Variants in MGAM observed in about 807,000 individuals in gnomAD.
The protein encoded by MGAM is maltase-glucoamylase, also known as alpha-1,4-glucosidase.
A neutral mutation model predicts 358.8 loss-of-function variants in MGAM; 253 were observed. The ratio of observed to expected loss-of-function variants is 0.71; its 90% confidence interval spans 0.64 to 0.78. The LOEUF is 0.78. Among genes scored for constraint, MGAM ranks in the 30% least tolerant of loss-of-function variants. The pLI, the probability that MGAM is intolerant of heterozygous loss-of-function variation, is 0.00. For missense variants in MGAM, 3,080 were observed against 3,432.6 expected (o/e 0.90, Z 2.57); for synonymous variants, 1,105 against 1,227.1 (o/e 0.90, Z 2.08).
intron 57 of MGAM, among the ~76,000 whole-genome samples, chr7:142,088,225 T>G (rs1482306658): frequency 6.8e-6 from 1 of 146,196 alleles, no homozygotes; most frequent in Non-Finnish European, 1.5e-5. Context: ...TGATTTAAAA[T>G]GAGACACACT....
chr7:142,044,431 G>GTT lies in MGAM; in HGVS notation c.2499-3354_2499-3353insTT, dbSNP rs1554471784. Among the ~76,000 whole-genome samples, 68 of 127,722 alleles carry GTT rather than the reference G, an allele frequency of 5.3e-4. 5 individuals carry two copies. Among genetic ancestry groups the GTT allele is most frequent in the Non-Finnish European group, 8.2e-4 (51 of 62,400 alleles). 83.8% of individuals were successfully genotyped at this position (127,722 alleles called of 152,430 possible). A position where few individuals can be genotyped will look rare whatever the true frequency, so the allele number is the denominator to read the frequency against. On this transcript the variant is annotated intron_variant, in intron 21 of 70. Transcript: ENST00000475668. ...TATAATGAATATTATATACACATAC[G>GTT]ATATATATAATGAATATTATATACA...
intron 41 of MGAM, among the ~76,000 whole-genome samples, 172 bp downstream of exon 41, chr7:142,066,893 G>A (rs1428924794): frequency 1.4e-5 from 2 of 146,006 alleles, no homozygotes; most frequent in Non-Finnish European, 3.1e-5. Flanking sequence ...TATACATACC[G>A]TAGGTCATAA....
At chr7:142,103,786 T>C (rs917759698) in intron 70 of MGAM, among the ~76,000 whole-genome samples, 1 of 152,126 alleles carries the variant, frequency 6.6e-6, no homozygotes, top group African/African-American at 2.4e-5. Flanking sequence ...GAAAATTGCT[T>C]CATTATTTCA....
chr7:141,987,000 G>C (rs1202006969), intron 2 of MGAM, among the ~76,000 whole-genome samples: 1 of 152,174 alleles, frequency 6.6e-6, no homozygotes, highest in Non-Finnish European at 1.5e-5. Flanking sequence ...TCATAGGGTA[G>C]ACTATGATTA....
intron 24 of MGAM, 24 bp from the exon 25 acceptor site, chr7:142,052,270 C>T: frequency 6.4e-7 from 1 of 1,571,138 alleles, no homozygotes; most frequent in Non-Finnish European, 8.6e-7. Context: ...GATGAATTTC[C>T]TTATGATTTC....
chr7:142,054,729 C>G, intron 26 of MGAM, 25 bp from the exon 27 acceptor site: 2 of 1,612,738 alleles, frequency 1.2e-6, no homozygotes, highest in Non-Finnish European at 1.7e-6. Flanking sequence ...GTATTGTTGC[C>G]TAAAATTGAT....
In MGAM at chr7:142,093,545, A is replaced by G. The variant is rs1479005796; in HGVS notation, c.7167A>G (p.Thr2389=). 1.3e-6 allele frequency: 2 copies of G among 1,499,286 alleles called. No homozygotes were observed. The highest frequency in any genetic ancestry group is 1.8e-6 in the Non-Finnish European group (2 of 1,103,338). The allele number at this position is 1,499,286 out of a possible 1,614,324, so 92.9% of individuals were successfully genotyped here. A position where few individuals can be genotyped will look rare whatever the true frequency, so the allele number is the denominator to read the frequency against. Residue 2389 remains threonine (T), a synonymous_variant, in exon 60 of 71, where the codon ACA becomes ACG. Coordinates refer to ENST00000475668, the MANE Select transcript of MGAM (RefSeq NM_001365693.1). ...ACGGGTGGTCCCAGACCAGACCCAC[A>G]TACGAGTGAGTCTCTGTCTCCCTTC... ...NLYGWSQTRP[T]YEAVQEVTGQ...
At chr7:142,078,053 G>A (rs1015614231) in intron 47 of MGAM, among the ~76,000 whole-genome samples, 4 of 145,228 alleles carry the variant, frequency 2.8e-5, no homozygotes, top group African/African-American at 9.8e-5. Flanking sequence ...GGGTGATCGC[G>A]ACAGGTTTTA....
chr7:142,013,243 T>G (rs558675905), intron 3 of MGAM, among the ~76,000 whole-genome samples: 4 of 151,942 alleles, frequency 2.6e-5, no homozygotes, highest in African/African-American at 9.7e-5. Flanking sequence ...GCACTGGGAA[T>G]AGGGTGGGTG....
At chr7:142,042,027 T>C (rs1242970404) in intron 21 of MGAM, among the ~76,000 whole-genome samples, 1 of 23,362 alleles carries the variant, frequency 4.3e-5, no homozygotes, top group Non-Finnish European at 6.3e-5. Context: ...ATATATATAT[T>C]ATATTATATA....
chr7:142,056,678 ATCT>A (rs1811583389), intron 29 of MGAM, among the ~76,000 whole-genome samples, 149 bp from the exon 30 acceptor site: 1 of 152,214 alleles, frequency 6.6e-6, no homozygotes, highest in Admixed American at 6.5e-5. Context: ...ACTTCCATTG[ATCT>A]TCTTCAGTTC....
At chr7:142,068,514 T>C in intron 42 of MGAM, 133 bp from the exon 43 acceptor site, 1 of 703,256 alleles carries the variant, frequency 1.4e-6, no homozygotes, top group Non-Finnish European at 2.4e-6. Context: ...GTTGCCCCAG[T>C]TGTTAACCTC....
At chr7:142,001,266 C>G (rs548559117) in intron 1 of MGAM, among the ~76,000 whole-genome samples, 1 of 152,262 alleles carries the variant, frequency 6.6e-6, no homozygotes, top group African/African-American at 2.4e-5. Flanking sequence ...AGCTCCATTT[C>G]CTTTTGCATA....
chr7:142,000,102 G>A (rs1358848679), intron 1 of MGAM, among the ~76,000 whole-genome samples: 1 of 151,934 alleles, frequency 6.6e-6, no homozygotes, highest in African/African-American at 2.4e-5. Flanking sequence ...TCTATTGCAG[G>A]GTAACAAATT....
At chr7:142,091,881 T>C in intron 57 of MGAM, 32 bp from the exon 58 acceptor site, 1 of 1,399,166 alleles carries the variant, frequency 7.1e-7, no homozygotes, top group South Asian at 1.4e-5. Context: ...TATATTTGTG[T>C]GGGACAAAGA....
chr7:142,100,756 C>A, intron 67 of MGAM, 46 bp from the exon 68 acceptor site: 1 of 1,530,670 alleles, frequency 6.5e-7, no homozygotes, highest in Non-Finnish European at 8.9e-7. Flanking sequence ...TGGTTTGTGG[C>A]TGTGGCTTTA....
rs764584096 is a variant in MGAM, at chr7:142,065,703, C to G, written c.4654-12C>G. 1.9e-6 allele frequency: 3 copies of G among 1,602,520 alleles called. No homozygotes were observed. In the Admixed American group the frequency reaches 5.0e-5, roughly 27 times the overall value. ...ATCATCAGCAGGCTCCTTTTATTTC[C>G]TCTTGTTTCAGACGGGAGCAGATAT... On this transcript the variant is annotated splice_polypyrimidine_tract_variant and intron_variant, in intron 39 of 70. Transcript: ENST00000475668.
rs2129030657 is a variant in MGAM, at chr7:142,050,723, A to G, written c.2664A>G (p.Gln888=). The G allele has an allele frequency of 2.5e-6, 4 of 1,613,764 alleles. No homozygotes were observed. The highest frequency in any genetic ancestry group is 2.2e-5 in the East Asian group (1 of 44,846). ...ACCGCTTGGAGGTGAATATTTCACA[A>G]TCAACCTACAAGGACCCCAATAATT... is the stretch of plus-strand genomic sequence containing the variant. ...TQNRLEVNIS[Q]STYKDPNNLA... is the part of the protein sequence containing the mutation. The change falls in exon 24 of 71, where the codon CAA becomes CAG. Residue 888 remains glutamine (Q), a synonymous_variant. Coordinates refer to ENST00000475668, the MANE Select transcript of MGAM (RefSeq NM_001365693.1).
At chr7:142,067,949 TATATATATATATATAA>T (rs1812929267) in intron 42 of MGAM, among the ~76,000 whole-genome samples, 1 of 37,224 alleles carries the variant, frequency 2.7e-5, no homozygotes, top group African/African-American at 7.3e-5. Flanking sequence ...TATATATATA[TATATATATATATATAA>T]ATATATATAT....
Sources: gnomAD v4.1 joint callset for allele counts (sites outside exome capture counted in the v4.1 genomes callset) on GRCh38, gnomAD v4.1.1 for gene constraint, MANE v1.5 for transcripts, NCBI Gene and HGNC (gene_info 2026-07-23, HGNC 2026-07-21) for gene names.